Variants in PDE3A observed in about 807,000 individuals in gnomAD.
PDE3A encodes the protein phosphodiesterase 3A.
PDE3A carries 43 observed loss-of-function variants against 98.3 expected under a neutral mutation model. That is an observed-to-expected ratio of 0.44 (90% CI 0.34 to 0.56). PDE3A has a LOEUF of 0.56. PDE3A is among the 20% of genes least tolerant of loss of function. The pLI, the probability that PDE3A is intolerant of heterozygous loss-of-function variation, is 0.01. For missense variants in PDE3A, 1,427 were observed against 1,440.7 expected (o/e 0.99, Z 0.15); for synonymous variants, 663 against 567.9 (o/e 1.17, Z -2.38).
At position 20,408,734 on chromosome 12, in the gene PDE3A, A is replaced by C. The variant is rs187007276; in HGVS notation, c.960+38490A>C. ...AAAATATATAATCCTGAGTGATTACATAATTTATTGCCGTTCTCTATCTTA... is the reference window on the plus strand; with the variant it reads ...AAAATATATAATCCTGAGTGATTACCTAATTTATTGCCGTTCTCTATCTTA... On this transcript the variant is annotated intron_variant, in intron 1 of 15. Coordinates refer to ENST00000359062, the MANE Select transcript of PDE3A (RefSeq NM_000921.5). Among the ~76,000 whole-genome samples, 5 of 152,332 alleles carry C rather than the reference A, an allele frequency of 3.3e-5. No homozygotes were observed. In the East Asian group the frequency reaches 9.6e-4, roughly 29 times the overall value.
chr12:20,537,567 T>C (rs1941778739), intron 1 of PDE3A, among the ~76,000 whole-genome samples: 1 of 152,114 alleles, frequency 6.6e-6, no homozygotes, highest in Non-Finnish European at 1.5e-5. Context: ...TTTTAGTGTT[T>C]TCCAAACCGT....
At chr12:20,593,494 C>G (rs562252242) in intron 2 of PDE3A, among the ~76,000 whole-genome samples, 2 of 151,806 alleles carry the variant, frequency 1.3e-5, no homozygotes, top group East Asian at 3.9e-4. Context: ...TGTAGCCATC[C>G]TCGTGTGATA....
At chr12:20,575,891 C>A (rs993771780) in intron 2 of PDE3A, among the ~76,000 whole-genome samples, 8 of 151,718 alleles carry the variant, frequency 5.3e-5, no homozygotes, top group African/African-American at 1.9e-4. Context: ...AAATGTAGCA[C>A]AAAACCCAAT....
intron 1 of PDE3A, among the ~76,000 whole-genome samples, chr12:20,415,484 G>A (rs1012104898): frequency 6.6e-5 from 10 of 151,738 alleles, no homozygotes; most frequent in South Asian, 2.1e-4. Context: ...CAGTGGCATC[G>A]ATTTCAGCTT....
chr12:20,532,600 G>A (rs1278076618), intron 1 of PDE3A, among the ~76,000 whole-genome samples: 1 of 151,878 alleles, frequency 6.6e-6, no homozygotes, highest in Non-Finnish European at 1.5e-5. Context: ...ACCATTCAAT[G>A]TGAATATTAG....
intron 15 of PDE3A, among the ~76,000 whole-genome samples, chr12:20,679,046 G>T (rs967199643): frequency 6.6e-6 from 1 of 152,104 alleles, no homozygotes; most frequent in African/African-American, 2.4e-5. Context: ...GAATTTAGAA[G>T]AAAGAGATTA....
chr12:20,439,515 T>A (rs1042311424), intron 1 of PDE3A, among the ~76,000 whole-genome samples: 4 of 152,068 alleles, frequency 2.6e-5, no homozygotes. Context: ...TGAACTCCAT[T>A]TGATATATGA....
chr12:20,464,583 G>C (rs572930653), intron 1 of PDE3A, among the ~76,000 whole-genome samples: 1 of 152,058 alleles, frequency 6.6e-6, no homozygotes. Context: ...TGGCTATTAC[G>C]GTAAGATGTT....
chr12:20,485,150 G>T (rs1276772483), intron 1 of PDE3A, among the ~76,000 whole-genome samples: 1 of 152,168 alleles, frequency 6.6e-6, no homozygotes, highest in Non-Finnish European at 1.5e-5. Flanking sequence ...GAGGCTGCAA[G>T]TCGAAGATCA....
intron 5 of PDE3A, among the ~76,000 whole-genome samples, chr12:20,628,223 C>T (rs942170814): frequency 1.3e-5 from 2 of 151,898 alleles, no homozygotes; most frequent in Admixed American, 6.6e-5. Flanking sequence ...AACTTATAAC[C>T]CACTTGCTGT....
chr12:20,417,838 C>T (rs1276967889), intron 1 of PDE3A, among the ~76,000 whole-genome samples: 3 of 152,068 alleles, frequency 2.0e-5, no homozygotes, highest in Admixed American at 1.3e-4. Context: ...TTTTGTTATA[C>T]GTATTAAATG....
At chr12:20,490,183 G>A (rs541002320) in intron 1 of PDE3A, among the ~76,000 whole-genome samples, 1 of 152,248 alleles carries the variant, frequency 6.6e-6, no homozygotes, top group South Asian at 2.1e-4. Context: ...AATGAATTTG[G>A]TTAATTTAGT....
chr12:20,479,838 C>T lies in PDE3A; in HGVS notation c.961-76822C>T, dbSNP rs933864470. On this transcript the variant is annotated intron_variant, in intron 1 of 15. Coordinates refer to ENST00000359062, the MANE Select transcript of PDE3A (RefSeq NM_000921.5). ...ATGTTAATAGCTGAACATTGTTCAACAAAGTCTTAAATTGATTTTAAATGG... is the reference window on the plus strand; with the variant it reads ...ATGTTAATAGCTGAACATTGTTCAATAAAGTCTTAAATTGATTTTAAATGG... Among the ~76,000 whole-genome samples the T allele has an allele frequency of 4.6e-5, 7 of 152,106 alleles. No homozygotes were observed. The South Asian group carries it at 6.2e-4, about 14-fold the overall frequency.
chr12:20,646,553 T>TTCCAGGCC lies in PDE3A; in HGVS notation c.2318_2325dup (p.Ser776GlnfsTer6). On this transcript the variant is annotated frameshift_variant, in exon 11 of 16. Transcript: ENST00000359062. LOFTEE classifies it high-confidence loss of function. ...GTTTGGTATCTTACTACACAGCCTATTCCAGGCCTCTCAACTGTGATTAAT... is the reference window on the plus strand; with the variant it reads ...GTTTGGTATCTTACTACACAGCCTATTCCAGGCCTCCAGGCCTCTCAACTGTGATTAAT... The TTCCAGGCC allele has an allele frequency of 6.2e-7, 1 of 1,611,174 alleles. No homozygotes were observed. Among genetic ancestry groups the TTCCAGGCC allele is most frequent in the Non-Finnish European group, 8.5e-7 (1 of 1,177,296 alleles).
At chr12:20,578,391 T>C (rs949071086) in intron 2 of PDE3A, among the ~76,000 whole-genome samples, 3 of 151,866 alleles carry the variant, frequency 2.0e-5, no homozygotes, top group Admixed American at 6.6e-5. Flanking sequence ...AAGACATTAT[T>C]AATCACCGTG....
intron 1 of PDE3A, among the ~76,000 whole-genome samples, chr12:20,546,573 T>A (rs1373494922): frequency 6.6e-6 from 1 of 151,796 alleles, no homozygotes; most frequent in African/African-American, 2.4e-5. Flanking sequence ...GGAAAAAGAG[T>A]ATGCCAAGGA....
chr12:20,555,137 C>T (rs1010717180), intron 1 of PDE3A, among the ~76,000 whole-genome samples: 6 of 152,044 alleles, frequency 3.9e-5, no homozygotes, highest in African/African-American at 1.4e-4. Flanking sequence ...AATTCCCCCG[C>T]CTCAACCTCC....
At position 20,370,238 on chromosome 12, in the gene PDE3A, G is replaced by A. The variant is rs754658914; in HGVS notation, c.954G>A (p.Arg318=). 6.4e-7 allele frequency: 1 copy of A among 1,551,156 alleles called. No individual in the cohort carries two copies. Among genetic ancestry groups the A allele is most frequent in the African/African-American group, 1.4e-5 (1 of 72,706 alleles). ...HRRTSLPCIP[R]EQLMGHSEWD... ...GGACCTCCCTGCCCTGTATACCGAG[G>A]GAACAGGTAAGCACTGGCAACTCCT... The change falls in exon 1 of 16, where the codon AGG becomes AGA. Residue 318 remains arginine (R), a synonymous_variant. Coordinates refer to ENST00000359062, the MANE Select transcript of PDE3A (RefSeq NM_000921.5).
chr12:20,634,913 C>A lies in PDE3A; in HGVS notation c.1858C>A (p.Gln620Lys). ...RTPSRTDDTAQVTSDYETNNN... is the reference protein window; with the variant it reads ...RTPSRTDDTAKVTSDYETNNN... ...TCTTTTAATTGTAGATGACACTGCT[C>A]AAGTTACCTCTGATTATGAAACCAA... Residue 620 changes from glutamine to lysine, a missense_variant, in exon 8 of 16, where the codon CAA (glutamine) becomes AAA (lysine). Coordinates refer to ENST00000359062, the MANE Select transcript of PDE3A (RefSeq NM_000921.5). The A allele has an allele frequency of 6.2e-7, 1 of 1,609,112 alleles. No homozygotes were observed. The highest frequency in any genetic ancestry group is 1.1e-5 in the South Asian group (1 of 90,962).
Sources: gnomAD v4.1 joint callset for allele counts (sites outside exome capture counted in the v4.1 genomes callset) on GRCh38, gnomAD v4.1.1 for gene constraint, MANE v1.5 for transcripts, NCBI Gene and HGNC (gene_info 2026-07-23, HGNC 2026-07-21) for gene names.